Variants in MEGF8 observed in about 807,000 individuals in gnomAD.
MEGF8 encodes the protein multiple EGF like domains 8.
In MEGF8, 156 loss-of-function variants were observed where a neutral mutation model predicts 302.9. The ratio of observed to expected loss-of-function variants is 0.52; its 90% CI spans 0.45 to 0.59. The LOEUF is 0.59. Among genes scored for constraint, MEGF8 ranks in the 20% least tolerant of loss-of-function variants. The pLI is 0.00. For missense variants in MEGF8, 3,345 were observed against 3,964.5 expected, an observed-to-expected ratio of 0.84 and a Z score of 4.20; for synonymous variants, 1,621 against 1,660.5, an observed-to-expected ratio of 0.98 and a Z score of 0.58.
chr19:42,354,108 T>C lies in MEGF8; in HGVS notation c.4011+84T>C. 1 of 1,424,102 alleles carries C rather than the reference T, an allele frequency of 7.0e-7. No homozygotes were observed. The highest frequency in any genetic ancestry group is 1.4e-5 in the South Asian group (1 of 70,902). The allele number at this position is 1,424,102 out of a possible 1,614,324, so 88.2% of individuals were successfully genotyped here. ...AGCCTGCATCCTCAGACCCTGACCC[T>C]AGTATTGCTGTTTTTTTTTTTTTGT... On this transcript the variant is annotated intron_variant, in intron 22 of 41. Transcript: ENST00000251268. The surrounding 1 kb of genome is among the most constrained non-coding windows in gnomAD (Gnocchi z 4.3).
intron 32 of MEGF8, among the ~76,000 whole-genome samples, chr19:42,361,252 G>A (rs2039527964): frequency 6.6e-6 from 1 of 152,190 alleles, no homozygotes; most frequent in Admixed American, 6.5e-5. Flanking sequence ...GTAGAGTTGA[G>A]ACCATCAGTG....
intron 14 of MEGF8, 45 bp from the exon 15 acceptor site, chr19:42,350,103 C>A: frequency 1.3e-6 from 2 of 1,505,110 alleles, no homozygotes; most frequent in Non-Finnish European, 1.8e-6. Flanking sequence ...ACTCTGACCC[C>A]TGCCCCAGAC....
At chr19:42,343,682 G>A in intron 9 of MEGF8, 51 bp downstream of exon 9, 1 of 1,531,496 alleles carries the variant, frequency 6.5e-7, no homozygotes, top group East Asian at 2.4e-5. Context: ...GAGGTAGCAG[G>A]GTTTCCACAG....
chr19:42,354,071 G>T lies in MEGF8; in HGVS notation c.4011+47G>T. ...GTTCAGGCGCATGAGCCAGAACCGT[G>T]TCCCCTGACCCAGCCTGCATCCTCA... On this transcript the variant is annotated intron_variant, in intron 22 of 41. Coordinates refer to ENST00000251268, the MANE Select transcript of MEGF8 (RefSeq NM_001271938.2). This position sits in a 1 kb window ranked among gnomAD's most constrained non-coding sequence, Gnocchi z 4.3. The T allele has an allele frequency of 6.5e-7, 1 of 1,549,788 alleles. No homozygotes were observed. The highest frequency in any genetic ancestry group is 8.7e-7 in the Non-Finnish European group (1 of 1,148,372).
chr19:42,330,485 G>T (rs923680773), intron 1 of MEGF8, among the ~76,000 whole-genome samples: 2 of 152,234 alleles, frequency 1.3e-5, no homozygotes, highest in African/African-American at 4.8e-5. Flanking sequence ...TTGTGTGGCC[G>T]TGCTGAATGG....
chr19:42,343,631 C>G lies in MEGF8; in HGVS notation c.1668C>G (p.Asp556Glu). Residue 556 changes from aspartate (D) to glutamate (E), a missense_variant and splice_region_variant, in exon 9 of 42, where the codon GAC (aspartate) becomes GAG (glutamate). Transcript: ENST00000251268. Reference sequence around the variant, plus strand: ...TTGTGTTCCAGGCACCTGCCCCTGACGTGAGCACTGGGGTGACAGGGAAAG... The same window carrying G: ...TTGTGTTCCAGGCACCTGCCCCTGAGGTGAGCACTGGGGTGACAGGGAAAG... ...PPFVFQAPAP[D>E]YHLDYCSMYT... is the part of the protein sequence containing the mutation. The G allele has an allele frequency of 6.2e-7, 1 of 1,602,122 alleles. No individual in the cohort carries two copies. Among genetic ancestry groups the G allele is most frequent in the Non-Finnish European group, 8.5e-7 (1 of 1,173,480 alleles).
Position 42,360,925 on chromosome 19 carries a change from T to A in MEGF8, c.5639T>A (p.Leu1880Gln), listed in dbSNP as rs2039522432. 1 of 1,611,272 alleles carries A rather than the reference T, an allele frequency of 6.2e-7. No individual in the cohort carries two copies. Among genetic ancestry groups the A allele is most frequent in the Non-Finnish European group, 8.5e-7 (1 of 1,178,422 alleles). ...CTGCCCCCTGACCCCTGCCGCCTGC[T>A]GTCCTCACCTGAAGCTTGTAACCAG... Reference protein sequence around the residue: ...LTLPPDPCRLLSSPEACNQSG... With the variant: ...LTLPPDPCRLQSSPEACNQSG... Residue 1880 changes from leucine to glutamine, a missense_variant, in exon 32 of 42, where the codon CTG becomes CAG. Transcript: ENST00000251268.
chr19:42,342,591 C>T lies in MEGF8; in HGVS notation c.1514-886C>T, dbSNP rs371814273. 5.1e-4 allele frequency among the ~76,000 whole-genome samples: 77 copies of T among 150,918 alleles called. 1 individual carries two copies. Among genetic ancestry groups the T allele is most frequent in the African/African-American group, 1.7e-3 (71 of 41,000 alleles). On this transcript the variant is annotated intron_variant, in intron 8 of 41. Transcript: ENST00000251268. The stretch of plus-strand genomic sequence containing the variant: ...GACAGAGCTTGCAGTGAGCTGAGAT[C>T]GTGGCACGGCACTGCAGCCTGGGTG...
chr19:42,350,434 A>T, intron 15 of MEGF8, 50 bp downstream of exon 15: 2 of 1,432,252 alleles, frequency 1.4e-6, no homozygotes, highest in Non-Finnish European at 1.8e-6. Context: ...GAGCCACAGC[A>T]GGCAATGGGC....
chr19:42,357,493 C>G lies in MEGF8; in HGVS notation c.4920C>G (p.Ser1640=), dbSNP rs2039469341. 3.7e-6 allele frequency: 6 copies of G among 1,613,796 alleles called. No individual in the cohort carries two copies. The highest frequency in any genetic ancestry group is 5.1e-6 in the Non-Finnish European group (6 of 1,179,808). Residue 1640 remains serine, a synonymous_variant, in exon 28 of 42, where the codon TCC becomes TCG. Transcript: ENST00000251268. This position sits in a 1 kb window ranked among gnomAD's most constrained non-coding sequence, Gnocchi z 5.2. ...GLSLLLVGGY[S]PENGFNQQLL... The stretch of plus-strand genomic sequence containing the variant: ...CTCTGCTCCTGGTGGGCGGTTACTC[C>G]CCGGAAAATGGCTTCAACCAGCAGC...
At position 42,354,808 on chromosome 19, in the gene MEGF8, C is replaced by G; in HGVS notation, c.4144+88C>G. On this transcript the variant is annotated intron_variant, in intron 23 of 41. Coordinates refer to ENST00000251268, the MANE Select transcript of MEGF8 (RefSeq NM_001271938.2). The surrounding 1 kb of genome is among the most constrained non-coding windows in gnomAD (Gnocchi z 4.3). ...TCACCACCTGAAGTGGGCTCAGGAC[C>G]CAGCTCTGCCGCTGCTTATGGGGTG... 1 of 1,399,682 alleles carries G rather than the reference C, an allele frequency of 7.1e-7. No individual in the cohort carries two copies. Among genetic ancestry groups the G allele is most frequent in the Non-Finnish European group, 9.6e-7 (1 of 1,043,174 alleles). 86.7% of individuals were successfully genotyped at this position (1,399,682 alleles called of 1,614,324 possible).
intron 41 of MEGF8, 124 bp downstream of exon 41, chr19:42,371,606 A>G: frequency 1.5e-6 from 2 of 1,352,816 alleles, no homozygotes; most frequent in Non-Finnish European, 2.0e-6. Flanking sequence ...TTTTGGGATC[A>G]AGTGCAGCTT....
chr19:42,348,224 G>GTA, intron 12 of MEGF8, 48 bp from the exon 13 acceptor site: 1 of 1,481,464 alleles, frequency 6.8e-7, no homozygotes, highest in Non-Finnish European at 9.0e-7. Flanking sequence ...GATGTGGCCT[G>GTA]TGAGTCCAGA....
chr19:42,348,328 G>A lies in MEGF8; in HGVS notation c.2154G>A (p.Val718=), dbSNP rs1676211. The A allele has an allele frequency of 0.065, 100,542 of 1,537,402 alleles. 4,407 individuals carry two copies. Among genetic ancestry groups the A allele is most frequent in the Middle Eastern group, 0.19 (1,120 of 5,990 alleles). The part of the protein sequence containing the change: ...ITLTPSAETD[V]SLVYRGFIYP... The stretch of plus-strand genomic sequence containing the variant: ...TAACACCCAGCGCAGAGACAGATGT[G>A]TCCCTGGTCTACCGTGGCTTCATCT... The change falls in exon 13 of 42, where the codon GTG becomes GTA. Residue 718 remains valine (V), a synonymous_variant. Coordinates refer to ENST00000251268, the MANE Select transcript of MEGF8 (RefSeq NM_001271938.2).
rs767920960 is a variant in MEGF8, at chr19:42,335,128, G to A, written c.652G>A (p.Val218Met). ...ENQGAGWWHN[V>M]SARDPAFSAR... ...CCAGGGGGCTGGGTGGTGGCACAAC[G>A]TGAGTGCCAGGGACCCTGCCTTCTC... The change falls in exon 4 of 42, where the codon GTG (valine) becomes ATG (methionine). Residue 218 changes from valine (V) to methionine (M), a missense_variant. Coordinates refer to ENST00000251268, the MANE Select transcript of MEGF8 (RefSeq NM_001271938.2). 1.1e-5 allele frequency: 18 copies of A among 1,613,900 alleles called. No homozygotes were observed. Among genetic ancestry groups the A allele is most frequent in the East Asian group, 2.2e-5 (1 of 44,884 alleles).
chr19:42,359,091 C>CCCA lies in MEGF8; in HGVS notation c.5344-6_5344-5insCAC. 6.6e-7 allele frequency: 1 copy of CCCA among 1,516,186 alleles called. No homozygotes were observed. Among genetic ancestry groups the CCCA allele is most frequent in the Admixed American group, 2.1e-5 (1 of 47,298 alleles). 93.9% of individuals were successfully genotyped at this position (1,516,186 alleles called of 1,614,324 possible). Reference sequence around the variant, plus strand: ...TCCTGTCCCCCCACCCCCCGTCTCCCCAACAGCCCCGCCCCCGGCTTTTCC... The same window carrying CCCA: ...TCCTGTCCCCCCACCCCCCGTCTCCCCCACAACAGCCCCGCCCCCGGCTTTTCC... On this transcript the variant is annotated splice_polypyrimidine_tract_variant and splice_region_variant and intron_variant, in intron 30 of 41. Coordinates refer to ENST00000251268, the MANE Select transcript of MEGF8 (RefSeq NM_001271938.2).
Position 42,353,751 on chromosome 19 carries a change from AC to A in MEGF8, c.3762-23del. The A allele has an allele frequency of 5.7e-6, 9 of 1,582,750 alleles. No individual in the cohort carries two copies. Among genetic ancestry groups the A allele is most frequent in the Non-Finnish European group, 7.8e-6 (9 of 1,160,402 alleles). On this transcript the variant is annotated intron_variant, in intron 21 of 41. Transcript: ENST00000251268. The surrounding 1 kb of genome is among the most constrained non-coding windows in gnomAD (Gnocchi z 6.1). ...TGGGGAGGGTCAGGACTGGTCTGAC[AC>A]TGGCTCTTCTCCATCTCCCCAGGGC...
In MEGF8 at chr19:42,353,782, G is replaced by A. The variant is rs951922705; in HGVS notation, c.3769G>A (p.Gly1257Ser). ...PGYYGDPRAG[G>S]SCFRECGGRA... ...TCTTCTCCATCTCCCCAGGGCCGGT[G>A]GTTCCTGCTTTCGGGAGTGTGGGGG... Residue 1257 changes from glycine (G) to serine (S), a missense_variant, in exon 22 of 42, where the codon GGT (glycine) becomes AGT (serine). Coordinates refer to ENST00000251268, the MANE Select transcript of MEGF8 (RefSeq NM_001271938.2). The surrounding 1 kb of genome is among the most constrained non-coding windows in gnomAD (Gnocchi z 6.1). 6.3e-7 allele frequency: 1 copy of A among 1,599,252 alleles called. No homozygotes were observed. The highest frequency in any genetic ancestry group is 1.1e-5 in the South Asian group (1 of 89,512).
intron 8 of MEGF8, among the ~76,000 whole-genome samples, chr19:42,337,668 G>C (rs1430312902): frequency 6.6e-6 from 1 of 151,590 alleles, no homozygotes; most frequent in Non-Finnish European, 1.5e-5. Context: ...CACCTCACCT[G>C]GCTAATTTTT....
Sources: gnomAD v4.1 joint callset for allele counts (sites outside exome capture counted in the v4.1 genomes callset) on GRCh38, gnomAD v4.1.1 for gene constraint, Gnocchi (gnomAD v3.1) non-coding constraint, MANE v1.5 for transcripts, NCBI Gene and HGNC (gene_info 2026-07-23, HGNC 2026-07-21) for gene names.